The following MIS18A variants were observed in gnomAD, a reference collection of about 807,000 sequenced individuals.
MIS18A encodes MIS18 kinetochore protein A, also known as protein Mis18-alpha.
MIS18A carries 14 observed loss-of-function variants against 25.0 expected under a neutral mutation model. The observed-to-expected ratio is 0.56, with a 90% confidence interval of 0.37 to 0.88. The LOEUF (loss-of-function observed/expected upper bound fraction) is 0.88, where lower values mean the gene tolerates loss of function less well. Ranked by LOEUF, MIS18A falls within the 40% of genes least tolerant of loss-of-function variation. The pLI, the probability that MIS18A is intolerant of heterozygous loss-of-function variation, is 0.00. For synonymous variants in MIS18A, 134 were observed against 118.6 expected, an observed-to-expected ratio of 1.13 and a Z score of -0.84; for missense variants, 292 against 290.8, an observed-to-expected ratio of 1.00 and a Z score of -0.03.
the MIS18A span, among the ~76,000 whole-genome samples, chr21:32,242,805 A>C: frequency 1.5e-4 from 23 of 152,178 alleles, no homozygotes; most frequent in Admixed American, 1.5e-3. Flanking sequence ...GAAGACTCAG[A>C]CATGGTGGGG....
At chr21:32,203,613 C>CTTTTTT in the MIS18A span, among the ~76,000 whole-genome samples, 470 of 85,380 alleles carry the variant, frequency 5.5e-3, 15 homozygotes, top group Middle Eastern at 0.02. Flanking sequence ...TTTTTAAATG[C>CTTTTTT]TTTTTTTTTT....
At chr21:32,184,024 C>G in the MIS18A span, among the ~76,000 whole-genome samples, 1 of 152,152 alleles carries the variant, frequency 6.6e-6, no homozygotes, top group East Asian at 1.9e-4. Flanking sequence ...TCAGGGATTT[C>G]CGAGTCAATT....
the MIS18A span, among the ~76,000 whole-genome samples, chr21:32,229,188 AC>A: frequency 6.6e-6 from 1 of 152,372 alleles, no homozygotes; most frequent in African/African-American, 2.4e-5. Context: ...TGTCAAAAAA[AC>A]AAATGAGATA....
chr21:32,263,817 T>G (rs1295398886), downstream of MIS18A, among the ~76,000 whole-genome samples: 1 of 151,546 alleles, frequency 6.6e-6, no homozygotes, highest in Non-Finnish European at 1.5e-5. Flanking sequence ...CTTTTTTTTT[T>G]TTTTTTTTAA....
downstream of MIS18A, among the ~76,000 whole-genome samples, chr21:32,265,265 TG>T (rs2123458207): frequency 6.6e-6 from 1 of 152,286 alleles, no homozygotes; most frequent in South Asian, 2.1e-4. Flanking sequence ...CACTGCACTG[TG>T]GGAGCCCCTT....
At chr21:32,277,051 C>T (rs991086063) in intron 1 of MIS18A, among the ~76,000 whole-genome samples, 2 of 151,818 alleles carry the variant, frequency 1.3e-5, no homozygotes, top group African/African-American at 4.8e-5. Context: ...TAAACCTTGA[C>T]AAAATGAAAA....
At chr21:32,184,265 G>A in the MIS18A span, among the ~76,000 whole-genome samples, 1 of 152,214 alleles carries the variant, frequency 6.6e-6, no homozygotes, top group African/African-American at 2.4e-5. Context: ...GGGTGAGGCT[G>A]CACAGCAGGG....
At chr21:32,229,402 G>C in the MIS18A span, among the ~76,000 whole-genome samples, 1 of 152,052 alleles carries the variant, frequency 6.6e-6, no homozygotes, top group Non-Finnish European at 1.5e-5. Context: ...CTTCCCATTA[G>C]AGTTCTTGGA....
the MIS18A span, among the ~76,000 whole-genome samples, chr21:32,192,616 G>C: frequency 2.6e-5 from 4 of 152,172 alleles, no homozygotes; most frequent in Non-Finnish European, 5.9e-5. Context: ...CTCTTGCCCT[G>C]ACCCTGCCCT....
intron 1 of MIS18A, 142 bp from the exon 2 acceptor site, chr21:32,275,038 A>C: frequency 1.5e-6 from 1 of 665,448 alleles, no homozygotes; most frequent in East Asian, 2.8e-5. Flanking sequence ...AGCGGTTTAA[A>C]ACTAAATGTA....
the MIS18A span, among the ~76,000 whole-genome samples, chr21:32,206,162 T>G: frequency 1.3e-5 from 2 of 152,150 alleles, no homozygotes; most frequent in Non-Finnish European, 2.9e-5. Flanking sequence ...TAAGTGTGAT[T>G]CAGGCACCAC....
At chr21:32,219,816 T>C in the MIS18A span, among the ~76,000 whole-genome samples, 1 of 152,146 alleles carries the variant, frequency 6.6e-6, no homozygotes, top group African/African-American at 2.4e-5. Flanking sequence ...TTACTGAGGC[T>C]TGAGTAGGTG....
At chr21:32,162,222 G>A in the MIS18A span, among the ~76,000 whole-genome samples, 3,943 of 151,986 alleles carry the variant, frequency 0.026, 68 homozygotes, top group African/African-American at 0.03. Flanking sequence ...GATTCTTCCC[G>A]CCTCAAAACT....
At chr21:32,170,003 T>C in the MIS18A span, among the ~76,000 whole-genome samples, 1 of 150,970 alleles carries the variant, frequency 6.6e-6, no homozygotes, top group Middle Eastern at 3.4e-3. Context: ...AGCCTATATA[T>C]AGGAAAAACA....
At chr21:32,265,785 G>C (rs1011835375), downstream of MIS18A, among the ~76,000 whole-genome samples, 1 of 152,278 alleles carries the variant, frequency 6.6e-6, no homozygotes, top group African/African-American at 2.4e-5. Flanking sequence ...GGTGAAGCCA[G>C]CTGGGCTCCT....
At chr21:32,176,167 A>T in the MIS18A span, among the ~76,000 whole-genome samples, 3 of 152,210 alleles carry the variant, frequency 2.0e-5, no homozygotes, top group South Asian at 4.1e-4. Flanking sequence ...AAATAACTAA[A>T]AAGTATAATA....
At chr21:32,260,084 C>CTTTTTCTTTTTTTTT in the MIS18A span, 1 of 116,980 alleles carries the variant, frequency 8.5e-6, no homozygotes, top group Non-Finnish European at 1.6e-5. Context: ...TTTTTCTCAG[C>CTTTTTCTTTTTTTTT]TTTTTTTTTT....
Position 32,268,744 on chromosome 21 carries a change from A to G in MIS18A, c.*293T>C, listed in dbSNP as rs1365384599. On this transcript the variant is annotated 3_prime_UTR_variant, in exon 5 of 5. Coordinates refer to ENST00000290130, the MANE Select transcript of MIS18A (RefSeq NM_018944.3). ...CTTTAAAATGCGATTTTGAGAAACA[A>G]TCACTTCTTTATCATAAAATATAGC... The G allele has an allele frequency of 8.5e-6, 2 of 236,472 alleles. No individual in the cohort carries two copies. Among genetic ancestry groups the G allele is most frequent in the African/African-American group, 4.5e-5 (2 of 44,420 alleles). The allele number at this position is 236,472 out of a possible 1,614,324, so 14.6% of individuals were successfully genotyped here.
chr21:32,156,787 T>C, the MIS18A span, among the ~76,000 whole-genome samples: 1 of 150,630 alleles, frequency 6.6e-6, no homozygotes. Context: ...AACAGACCTA[T>C]GATTCTGTGG....
Sources: gnomAD v4.1 joint callset for allele counts (sites outside exome capture counted in the v4.1 genomes callset) on GRCh38, gnomAD v4.1.1 for gene constraint, MANE v1.5 for transcripts, NCBI Gene and HGNC (gene_info 2026-07-23, HGNC 2026-07-21) for gene names.